The following ZNF543 variants were observed in gnomAD, a reference collection of about 807,000 sequenced individuals.
The protein encoded by ZNF543 is zinc finger protein 543.
A neutral mutation model predicts 13.4 loss-of-function variants in ZNF543; 10 were observed. That is an observed-to-expected ratio of 0.75 (90% CI 0.46 to 1.26). ZNF543 has a LOEUF of 1.26. Ranked by LOEUF, ZNF543 falls within the 50% of genes most tolerant of loss-of-function variation. The probability of loss-of-function intolerance (pLI) is 0.00; values close to 1 mark genes in which losing one functional copy is unlikely to be tolerated. For missense variants in ZNF543, 768 were observed against 741.2 expected (o/e 1.04, Z -0.42); for synonymous variants, 272 against 264.7 (o/e 1.03, Z -0.27).
rs1432252062 is a variant in ZNF543, at chr19:57,328,225, T to C, written c.763T>C (p.Tyr255His). 6.2e-7 allele frequency: 1 copy of C among 1,613,428 alleles called. No homozygotes were observed. Among genetic ancestry groups the C allele is most frequent in the Non-Finnish European group, 8.5e-7 (1 of 1,179,464 alleles). The change falls in exon 4 of 4, where the codon TAT becomes CAT. Residue 255 changes from tyrosine to histidine, a missense_variant. This residue lies in a region of ZNF543 where 677 missense variants were observed against 631.4 expected (regional missense o/e 1.07). Transcript: ENST00000321545. The part of the protein sequence containing the change: ...HLIIHTGEKP[Y>H]KCMECGKAFN... ...CATCATCCACACTGGGGAGAAGCCC[T>C]ATAAGTGCATGGAGTGTGGGAAGGC...
chr19:57,326,399 C>G (rs113726079), intron 2 of ZNF543, among the ~76,000 whole-genome samples: 1 of 152,160 alleles, frequency 6.6e-6, no homozygotes, highest in African/African-American at 2.4e-5. Flanking sequence ...CTCCTGACCT[C>G]AGGTGATCCA....
chr19:57,325,268 C>T (rs1466629877), intron 2 of ZNF543, among the ~76,000 whole-genome samples: 2 of 152,178 alleles, frequency 1.3e-5, no homozygotes, highest in Non-Finnish European at 2.9e-5. Flanking sequence ...TGTCATTGAA[C>T]CCAGTGCCAA....
In ZNF543 at chr19:57,328,598, G is replaced by A; in HGVS notation, c.1136G>A (p.Ser379Asn). The A allele has an allele frequency of 6.2e-7, 1 of 1,613,180 alleles. No individual in the cohort carries two copies. The highest frequency in any genetic ancestry group is 8.5e-7 in the Non-Finnish European group (1 of 1,179,830). Residue 379 changes from serine to asparagine, a missense_variant, in exon 4 of 4, where the codon AGT (serine) becomes AAT (asparagine). Ser to Asn is a conservative substitution (Grantham distance 46). Coordinates refer to ENST00000321545, the MANE Select transcript of ZNF543 (RefSeq NM_213598.4). ...CNECGKAFCE[S>N]ADLIQHYIIH... is the part of the protein sequence containing the mutation. ...GAGTGTGGAAAAGCTTTTTGCGAGA[G>A]TGCAGACCTCATTCAACACTACATT... is the stretch of plus-strand genomic sequence containing the variant.
At chr19:57,323,991 C>T (rs775469805) in intron 2 of ZNF543, among the ~76,000 whole-genome samples, 183 bp downstream of exon 2, 9 of 152,178 alleles carry the variant, frequency 5.9e-5, no homozygotes, top group Non-Finnish European at 1.0e-4. Context: ...CCCATCTCCA[C>T]TGCTCATGAT....
intron 3 of ZNF543, 147 bp downstream of exon 3, chr19:57,326,875 CCACCCG>C: frequency 7.1e-6 from 1 of 140,350 alleles, no homozygotes; most frequent in Non-Finnish European, 1.4e-5. Context: ...CCGCCCCCCC[CCACCCG>C]CCTTCAGACA....
At chr19:57,326,407 C>G (rs912381477) in intron 2 of ZNF543, among the ~76,000 whole-genome samples, 2 of 152,158 alleles carry the variant, frequency 1.3e-5, no homozygotes, top group African/African-American at 4.8e-5. Flanking sequence ...CTCAGGTGAT[C>G]CACCTGCCTT....
chr19:57,325,129 G>C (rs892264135), intron 2 of ZNF543, among the ~76,000 whole-genome samples: 1 of 152,306 alleles, frequency 6.6e-6, no homozygotes, highest in Admixed American at 6.5e-5. Context: ...GAGTTGATTA[G>C]AAGGAGCAAG....
At position 57,328,714 on chromosome 19, in the gene ZNF543, A is replaced by G; in HGVS notation, c.1252A>G (p.Thr418Ala). Residue 418 changes from threonine to alanine, a missense_variant, in exon 4 of 4, where the codon ACT (threonine) becomes GCT (alanine). Around this residue, in one of 3 missense-constraint regions of ZNF543, gnomAD observed 677 missense variants for 631.4 expected, o/e 1.07. Coordinates refer to ENST00000321545, the MANE Select transcript of ZNF543 (RefSeq NM_213598.4). ...CCTCAAGCAGCATCAACGGATTCAC[A>G]CTGGGGAGAAGCCTTATGAATGCAG... is the stretch of plus-strand genomic sequence containing the variant. Reference protein sequence around the residue: ...SHLKQHQRIHTGEKPYECSEC... With the variant: ...SHLKQHQRIHAGEKPYECSEC... The G allele has an allele frequency of 6.2e-7, 1 of 1,613,910 alleles. No individual in the cohort carries two copies.
At chr19:57,327,677 C>A in intron 3 of ZNF543, 27 bp from the exon 4 acceptor site, 3 of 1,569,434 alleles carry the variant, frequency 1.9e-6, no homozygotes, top group Non-Finnish European at 2.6e-6. Context: ...CTCTAATAAG[C>A]CTTTTTGTGT....
chr19:57,328,494 T>A lies in ZNF543; in HGVS notation c.1032T>A (p.Cys344Ter). 1 of 1,614,174 alleles carries A rather than the reference T, an allele frequency of 6.2e-7. No homozygotes were observed. The highest frequency in any genetic ancestry group is 8.5e-7 in the Non-Finnish European group (1 of 1,180,044). Residue 344 changes from cysteine to a stop codon, truncating the protein, a stop_gained, in exon 4 of 4, where the codon TGT becomes TGA. Coordinates refer to ENST00000321545, the MANE Select transcript of ZNF543 (RefSeq NM_213598.4). LOFTEE classifies it low-confidence loss of function (END_TRUNC). ...AGAAGCCCTATGAGTGCATTGAGTG[T>A]GGGAAGGCCTTCAACCGCCGGTCAT... is the stretch of plus-strand genomic sequence containing the variant. ...TGEKPYECIECGKAFNRRSYL... is the reference protein window; with the variant it reads ...TGEKPYECIE
Position 57,329,479 on chromosome 19 carries a change from C to CTTCTTAGTTTACAGTGAAATA in ZNF543, c.*217_*237dup. The CTTCTTAGTTTACAGTGAAATA allele has an allele frequency of 1.9e-6, 1 of 526,886 alleles. No individual in the cohort carries two copies. Among genetic ancestry groups the CTTCTTAGTTTACAGTGAAATA allele is most frequent in the South Asian group, 3.6e-5 (1 of 28,138 alleles). 32.6% of individuals were successfully genotyped at this position (526,886 alleles called of 1,614,324 possible). On this transcript the variant is annotated 3_prime_UTR_variant, in exon 4 of 4. Coordinates refer to ENST00000321545, the MANE Select transcript of ZNF543 (RefSeq NM_213598.4). ...TAGGAAAACTTTCAGCCACATCTTT[C>CTTCTTAGTTTACAGTGAAATA]TTCTTAGTTTACAGTGAAATATTAT...
chr19:57,323,801 G>A lies in ZNF543; in HGVS notation c.138G>A (p.Met46Ile), dbSNP rs368670871. 9 of 1,612,412 alleles carry A rather than the reference G, an allele frequency of 5.6e-6. No homozygotes were observed. The African/African-American group carries it at 9.3e-5, about 17-fold the overall frequency. Residue 46 changes from methionine (M) to isoleucine (I), a missense_variant, in exon 2 of 4, where the codon ATG becomes ATA. Transcript: ENST00000321545. ...TGCTGGAGACCTGCGGACTTCTCAT[G>A]TCTCTGGGTAAGGCCCCTTCTGGTC... is the stretch of plus-strand genomic sequence containing the variant. Reference protein sequence around the residue: ...EVMLETCGLLMSLGCPLFKPE... With the variant: ...EVMLETCGLLISLGCPLFKPE...
At chr19:57,325,196 G>T (rs1355967227) in intron 2 of ZNF543, among the ~76,000 whole-genome samples, 2 of 152,142 alleles carry the variant, frequency 1.3e-5, no homozygotes, top group Non-Finnish European at 1.5e-5. Flanking sequence ...AGGCCCTGAG[G>T]TGGTGAAGAG....
In ZNF543 at chr19:57,323,912, CA is replaced by C. The variant is rs1177018524; in HGVS notation, c.145+105del. The C allele has an allele frequency of 2.1e-6, 3 of 1,422,200 alleles. No individual in the cohort carries two copies. The African/African-American group carries it at 4.3e-5, about 20-fold the overall frequency. 88.1% of individuals were successfully genotyped at this position (1,422,200 alleles called of 1,614,324 possible). A position where few individuals can be genotyped will look rare whatever the true frequency, so the allele number is the denominator to read the frequency against. On this transcript the variant is annotated intron_variant, in intron 2 of 3. Transcript: ENST00000321545. ...TTGTTCTGAGGCTCCTGGCACCACG[CA>C]GGGGTGTTCACCATTGGCTCTGAGC...
chr19:57,321,970 G>GT (rs2088092667), intron 1 of ZNF543, among the ~76,000 whole-genome samples: 2 of 152,170 alleles, frequency 1.3e-5, no homozygotes, highest in Non-Finnish European at 2.9e-5. Context: ...TTCCTGAGTG[G>GT]TTTTCTCCTA....
Position 57,329,279 on chromosome 19 carries a change from A to G in ZNF543, c.*14A>G, listed in dbSNP as rs1401340350. ...AATCTGTGGTGAAAGGGAACATCTT[A>G]CCATCTGGCCATTCACACTGAAGAG... On this transcript the variant is annotated 3_prime_UTR_variant, in exon 4 of 4. Transcript: ENST00000321545. 1.3e-6 allele frequency: 2 copies of G among 1,581,738 alleles called. No individual in the cohort carries two copies. Among genetic ancestry groups the G allele is most frequent in the African/African-American group, 2.7e-5 (2 of 73,806 alleles).
Position 57,328,121 on chromosome 19 carries a change from T to G in ZNF543, c.659T>G (p.Ile220Ser). The G allele has an allele frequency of 1.9e-6, 3 of 1,614,216 alleles. No homozygotes were observed. The highest frequency in any genetic ancestry group is 2.5e-6 in the Non-Finnish European group (3 of 1,180,026). Residue 220 changes from isoleucine (I) to serine (S), a missense_variant, in exon 4 of 4, where the codon ATT becomes AGT. Physicochemically the swap from Ile to Ser is moderately radical, Grantham distance 142. Transcript: ENST00000321545. ...GCCCTCCTTGTTCAGCATGAACGGA[T>G]TCACACTCAAGTGAAGCCCTATGAA... ...KNALLVQHER[I>S]HTQVKPYECT...
At position 57,322,459 on chromosome 19, in the gene ZNF543, G is replaced by A. The variant is rs1344769910; in HGVS notation, c.19-1223G>A. Among the ~76,000 whole-genome samples, 3 of 147,816 alleles carry A rather than the reference G, an allele frequency of 2.0e-5. No individual in the cohort carries two copies. In the East Asian group the frequency reaches 5.9e-4, roughly 29 times the overall value. ...GGATCATGAGTTCAAGCCCAACCTG[G>A]GCAAAATATTGAGACCCTGTCTCAA... On this transcript the variant is annotated intron_variant, in intron 1 of 3. Transcript: ENST00000321545.
In ZNF543 at chr19:57,329,460, A is replaced by G. The variant is rs1340020716; in HGVS notation, c.*195A>G. ...CCAGTGGTTGCTATGCACTTAGGAA[A>G]ACTTTCAGCCACATCTTTCTTCTTA... On this transcript the variant is annotated 3_prime_UTR_variant, in exon 4 of 4. Transcript: ENST00000321545. 8 of 600,780 alleles carry G rather than the reference A, an allele frequency of 1.3e-5. No individual in the cohort carries two copies. The highest frequency in any genetic ancestry group is 3.5e-5 in the Admixed American group (1 of 28,972). 37.2% of individuals were successfully genotyped at this position (600,780 alleles called of 1,614,324 possible). A position where few individuals can be genotyped will look rare whatever the true frequency, so the allele number is the denominator to read the frequency against.
Sources: allele counts gnomAD v4.1 joint callset (sites outside exome capture counted in the v4.1 genomes callset), GRCh38; gene constraint gnomAD v4.1.1; regional missense constraint gnomAD v4.1.1; transcripts MANE v1.5; gene names NCBI Gene and HGNC (gene_info 2026-07-23, HGNC 2026-07-21).